Variants in TEK observed in about 807,000 individuals in gnomAD.
The protein encoded by TEK is TEK receptor tyrosine kinase.
Under a neutral mutation model 131.8 loss-of-function variants are expected in TEK, and 43 were observed. That is an observed-to-expected ratio of 0.33 (90% CI 0.26 to 0.42). The LOEUF (loss-of-function observed/expected upper bound fraction) is 0.42. Among genes scored for constraint, TEK ranks in the 10% least tolerant of loss-of-function variants. The pLI, the probability that TEK is intolerant of heterozygous loss-of-function variation, is 1.00. For missense variants in TEK, 1,162 were observed against 1,384.4 expected, an observed-to-expected ratio of 0.84 and a Z score of 2.55; for synonymous variants, 580 against 491.6, an observed-to-expected ratio of 1.18 and a Z score of -2.38.
Position 27,197,447 on chromosome 9 carries a change from G to C in TEK, c.1757G>C (p.Ser586Thr), listed in dbSNP as rs1463371511. 13 of 1,614,034 alleles carry C rather than the reference G, an allele frequency of 8.1e-6. No individual in the cohort carries two copies. Among genetic ancestry groups the C allele is most frequent in the Non-Finnish European group, 1.1e-5 (13 of 1,180,000 alleles). Residue 586 changes from serine (S) to threonine (T), a missense_variant, in exon 12 of 23, where the codon AGT (serine) becomes ACT (threonine). Physicochemically the swap from Ser to Thr is moderately conservative, Grantham distance 58 (BLOSUM62 1). Around this residue, in one of 6 missense-constraint regions of TEK, gnomAD observed 477 missense variants for 471.0 expected, o/e 1.01. Coordinates refer to ENST00000380036, the MANE Select transcript of TEK (RefSeq NM_000459.5). ...VEVERRSVQK[S>T]DQQNIKVPGN... ...GTGGAGAGAAGGTCTGTGCAAAAAA[G>C]TGATCAGCAGAATATTAAAGTTCCA...
intron 16 of TEK, among the ~76,000 whole-genome samples, chr9:27,211,718 C>T (rs1825639005): frequency 6.6e-6 from 1 of 152,000 alleles, no homozygotes; most frequent in Non-Finnish European, 1.5e-5. Flanking sequence ...AATCCATCTG[C>T]CTTGGCCTCC....
intron 1 of TEK, among the ~76,000 whole-genome samples, chr9:27,129,841 C>G (rs928089348): frequency 1.1e-4 from 17 of 152,094 alleles, no homozygotes; most frequent in Admixed American, 6.5e-4. Flanking sequence ...ACTGGATATT[C>G]AATAAATGAA....
At chr9:27,136,930 T>A (rs1352524941) in intron 1 of TEK, among the ~76,000 whole-genome samples, 1 of 152,230 alleles carries the variant, frequency 6.6e-6, no homozygotes, top group African/African-American at 2.4e-5. Flanking sequence ...TATTTATTTA[T>A]TTTTGAAATG....
intron 2 of TEK, among the ~76,000 whole-genome samples, chr9:27,158,660 CTTTT>C (rs71492736): frequency 7.3e-6 from 1 of 136,428 alleles, no homozygotes; most frequent in Admixed American, 7.4e-5. Flanking sequence ...CTTTCTTTTC[CTTTT>C]TTTTTTTTTT....
intron 2 of TEK, among the ~76,000 whole-genome samples, chr9:27,166,598 C>T (rs1823739511): frequency 2.6e-5 from 4 of 152,264 alleles, no homozygotes; most frequent in South Asian, 4.1e-4. Flanking sequence ...ATCTATATCC[C>T]TAATTTTTAG....
chr9:27,203,154 C>T, intron 13 of TEK, 35 bp downstream of exon 13: 1 of 1,609,312 alleles, frequency 6.2e-7, no homozygotes, highest in Non-Finnish European at 8.5e-7. Context: ...CATAGGATTA[C>T]CGTGCAGCCC....
chr9:27,138,117 A>C (rs541304082), intron 1 of TEK, among the ~76,000 whole-genome samples: 44 of 152,286 alleles, frequency 2.9e-4, no homozygotes, highest in African/African-American at 1.0e-3. Context: ...GAAGCCGCAG[A>C]CCCTCTCAGT....
chr9:27,138,246 C>G (rs953785826), intron 1 of TEK, among the ~76,000 whole-genome samples: 10 of 152,256 alleles, frequency 6.6e-5, no homozygotes, highest in African/African-American at 2.4e-4. Context: ...CGGGTTGCCG[C>G]TGCTGGCTCA....
intron 22 of TEK, 147 bp from the exon 23 acceptor site, chr9:27,229,011 C>T (rs1255706931): frequency 1.3e-6 from 1 of 744,372 alleles, no homozygotes; most frequent in Non-Finnish European, 2.4e-6. Context: ...TCAAATACAA[C>T]AGAGGGACTG....
Position 27,213,568 on chromosome 9 carries a change from G to A in TEK, c.2962G>A (p.Gly988Ser). ...AATAGCAGATTTTGGATTGTCCCGA[G>A]GTCAAGAGGTGTATGTGAAAAAGAC... is the stretch of plus-strand genomic sequence containing the variant. ...AKIADFGLSR[G>S]QEVYVKKTMG... The change falls in exon 18 of 23, where the codon GGT (glycine) becomes AGT (serine). Residue 988 changes from glycine to serine, a missense_variant. Physicochemically the swap from Gly to Ser is moderately conservative, Grantham distance 56. Transcript: ENST00000380036. 6.2e-7 allele frequency: 1 copy of A among 1,613,842 alleles called. No homozygotes were observed. Among genetic ancestry groups the A allele is most frequent in the Non-Finnish European group, 8.5e-7 (1 of 1,179,788 alleles).
In TEK at chr9:27,205,046, C is replaced by A; in HGVS notation, c.2345C>A (p.Ala782Asp). 6.2e-7 allele frequency: 1 copy of A among 1,613,952 alleles called. No individual in the cohort carries two copies. The highest frequency in any genetic ancestry group is 8.5e-7 in the Non-Finnish European group (1 of 1,179,898). ...LKRANVQRRM[A>D]QAFQNVREEP... ...AGGGCAAATGTGCAAAGGAGAATGG[C>A]CCAAGCCTTCCAAAACGTGGTAGTG... The change falls in exon 14 of 23, where the codon GCC becomes GAC. Residue 782 changes from alanine to aspartate, a missense_variant. Ala to Asp is a moderately radical substitution (Grantham distance 126). This residue lies in a region of TEK where 477 missense variants were observed against 471.0 expected (regional missense o/e 1.01). Transcript: ENST00000380036.
At chr9:27,160,978 A>T (rs547446644) in intron 2 of TEK, among the ~76,000 whole-genome samples, 1 of 152,374 alleles carries the variant, frequency 6.6e-6, no homozygotes, top group East Asian at 1.9e-4. Context: ...TTCTAAAGGA[A>T]GATGATCTGA....
At chr9:27,126,889 C>A (rs1489656962) in intron 1 of TEK, among the ~76,000 whole-genome samples, 4 of 152,166 alleles carry the variant, frequency 2.6e-5, no homozygotes, top group Admixed American at 2.6e-4. Flanking sequence ...TCCTCACTCA[C>A]ACCCATTACA....
In TEK at chr9:27,148,845, G is replaced by A. The variant is rs1342960422; in HGVS notation, c.53-8986G>A. On this transcript the variant is annotated intron_variant, in intron 1 of 22. Transcript: ENST00000380036. ...TCCTTAAGTTTTACATGTAACATAC[G>A]TTTTACATGTAACAGTATTTTTCTA... Among the ~76,000 whole-genome samples the A allele has an allele frequency of 4.6e-5, 7 of 151,924 alleles. 1 individual carries two copies. Among genetic ancestry groups the A allele is most frequent in the African/African-American group, 2.4e-5 (1 of 41,330 alleles).
In TEK at chr9:27,197,424, G is replaced by A. The variant is rs146405482; in HGVS notation, c.1734G>A (p.Val578=). The A allele has an allele frequency of 3.9e-5, 63 of 1,614,094 alleles. No homozygotes were observed. The South Asian group carries it at 4.9e-4, about 13-fold the overall frequency. ...PSSEDDFYVE[V]ERRSVQKSDQ... is the part of the protein sequence containing the mutation. ...CGGAAGATGACTTTTATGTTGAAGT[G>A]GAGAGAAGGTCTGTGCAAAAAAGTG... is the stretch of plus-strand genomic sequence containing the variant. Residue 578 remains valine, a synonymous_variant, in exon 12 of 23, where the codon GTG becomes GTA. Transcript: ENST00000380036.
chr9:27,206,395 G>A (rs558369852), intron 14 of TEK, among the ~76,000 whole-genome samples, 187 bp from the exon 15 acceptor site: 3 of 152,288 alleles, frequency 2.0e-5, no homozygotes, highest in South Asian at 4.1e-4. Flanking sequence ...AATTGTGCCC[G>A]TGCAGCCCTG....
chr9:27,123,867 C>T (rs1028046350), intron 1 of TEK, among the ~76,000 whole-genome samples: 4 of 152,362 alleles, frequency 2.6e-5, no homozygotes, highest in African/African-American at 4.8e-5. Flanking sequence ...ACCTCCGCCT[C>T]TCAGGTTCAA....
intron 3 of TEK, among the ~76,000 whole-genome samples, chr9:27,169,053 G>C (rs989512141): frequency 6.6e-6 from 1 of 152,222 alleles, no homozygotes; most frequent in Non-Finnish European, 1.5e-5. Context: ...GCCTGATCCA[G>C]CTGGAATATT....
At chr9:27,174,056 A>G (rs1356564159) in intron 6 of TEK, among the ~76,000 whole-genome samples, 1 of 152,178 alleles carries the variant, frequency 6.6e-6, no homozygotes, top group East Asian at 1.9e-4. Context: ...TCATCTACTC[A>G]GAGTCCCTCT....
Sources: allele counts gnomAD v4.1 joint callset (sites outside exome capture counted in the v4.1 genomes callset), GRCh38; gene constraint gnomAD v4.1.1; regional missense constraint gnomAD v4.1.1; transcripts MANE v1.5; gene names NCBI Gene and HGNC (gene_info 2026-07-23, HGNC 2026-07-21).